CNTN4: variants seen among roughly 807,000 people sequenced by gnomAD.
The protein encoded by CNTN4 is contactin 4, also known as contactin-4.
In CNTN4, 77 loss-of-function variants were observed where a neutral mutation model predicts 122.5. That is an observed-to-expected ratio of 0.63 (90% CI 0.52 to 0.76). CNTN4 has a LOEUF of 0.76. Among genes scored for constraint, CNTN4 ranks in the 30% least tolerant of loss-of-function variants. CNTN4 has a pLI of 0.00. For synonymous variants in CNTN4, 512 were observed against 447.0 expected (o/e 1.15, Z -1.83); for missense variants, 1,256 against 1,259.1 (o/e 1.00, Z 0.04).
intron 7 of CNTN4, among the ~76,000 whole-genome samples, chr3:2,865,958 C>G (rs776791828): frequency 6.6e-6 from 1 of 152,204 alleles, no homozygotes; most frequent in Non-Finnish European, 1.5e-5. Flanking sequence ...ATCACTATCT[C>G]ATATCCACTC....
chr3:2,259,103 T>C (rs2040718426), intron 2 of CNTN4, among the ~76,000 whole-genome samples: 1 of 152,130 alleles, frequency 6.6e-6, no homozygotes, highest in African/African-American at 2.4e-5. Flanking sequence ...TTTTTGGCTC[T>C]GTAAATTTGA....
At chr3:2,103,177 A>G (rs1253576581) in intron 2 of CNTN4, among the ~76,000 whole-genome samples, 2 of 148,034 alleles carry the variant, frequency 1.4e-5, no homozygotes, top group Non-Finnish European at 3.0e-5. Flanking sequence ...TGATTTTTTA[A>G]CAGCTTTTTT....
chr3:2,282,064 C>T (rs1309546358), intron 2 of CNTN4, among the ~76,000 whole-genome samples: 2 of 152,080 alleles, frequency 1.3e-5, no homozygotes, highest in East Asian at 1.9e-4. Flanking sequence ...TTTTCCTACA[C>T]ATTCCAGTTT....
chr3:2,739,767 A>G (rs181665961), intron 5 of CNTN4, among the ~76,000 whole-genome samples: 169 of 152,336 alleles, frequency 1.1e-3, no homozygotes, highest in African/African-American at 3.9e-3. Context: ...AGATGCAGTT[A>G]TCGTTGCACA....
chr3:2,133,816 TA>T (rs2034560724), intron 2 of CNTN4, among the ~76,000 whole-genome samples: 1 of 152,210 alleles, frequency 6.6e-6, no homozygotes, highest in South Asian at 2.1e-4. Flanking sequence ...TTCCTTTTTC[TA>T]ATTTATCACT....
chr3:2,719,445 C>G (rs1228688101), intron 4 of CNTN4, among the ~76,000 whole-genome samples: 2 of 152,100 alleles, frequency 1.3e-5, no homozygotes, highest in Non-Finnish European at 2.9e-5. Context: ...CAGGAATGCA[C>G]CACCATGCCC....
intron 3 of CNTN4, among the ~76,000 whole-genome samples, chr3:2,439,413 T>G (rs985320223): frequency 6.6e-6 from 1 of 152,216 alleles, no homozygotes; most frequent in Non-Finnish European, 1.5e-5. Context: ...ATTTTATTTT[T>G]TTTTACTTGG....
intron 3 of CNTN4, among the ~76,000 whole-genome samples, chr3:2,565,588 A>G (rs769480127): frequency 6.6e-6 from 1 of 152,190 alleles, no homozygotes; most frequent in Non-Finnish European, 1.5e-5. Context: ...TTCCTATCCA[A>G]TTGAGCTGTA....
At chr3:2,810,046 TCAGA>T (rs1220609000) in intron 6 of CNTN4, among the ~76,000 whole-genome samples, 7 of 152,186 alleles carry the variant, frequency 4.6e-5, no homozygotes, top group African/African-American at 1.7e-4. Flanking sequence ...TGTGAGAGTC[TCAGA>T]CAGTCAAACA....
chr3:2,722,776 C>CAATA (rs1157830932), intron 4 of CNTN4, among the ~76,000 whole-genome samples: 1 of 152,090 alleles, frequency 6.6e-6, no homozygotes, highest in Non-Finnish European at 1.5e-5. Flanking sequence ...GCAGAATGCC[C>CAATA]AATAATTGGT....
intron 4 of CNTN4, among the ~76,000 whole-genome samples, chr3:2,688,272 T>C (rs950362482): frequency 1.3e-5 from 2 of 152,144 alleles, no homozygotes; most frequent in African/African-American, 2.4e-5. Context: ...TTGGACCACA[T>C]TGAGTTTTTT....
chr3:2,311,105 C>T lies in CNTN4; in HGVS notation c.-144-28073C>T, dbSNP rs2042898222. Among the ~76,000 whole-genome samples, 2 of 152,026 alleles carry T rather than the reference C, an allele frequency of 1.3e-5. 1 individual carries two copies. Among genetic ancestry groups the T allele is most frequent in the South Asian group, 4.1e-4 (2 of 4,830 alleles). ...GAATAAAAACACACCTACCTTTCCC[C>T]CTGAAATAACATTAATGTCTTATTG... On this transcript the variant is annotated intron_variant, in intron 2 of 24. Coordinates refer to ENST00000418658, the MANE Select transcript of CNTN4 (RefSeq NM_175607.3).
chr3:2,458,327 G>A (rs542945035), intron 3 of CNTN4, among the ~76,000 whole-genome samples: 14 of 152,190 alleles, frequency 9.2e-5, no homozygotes, highest in South Asian at 2.1e-4. Context: ...AAAAATGAAC[G>A]ATGTTTTATC....
At chr3:2,227,083 T>C (rs1264619924) in intron 2 of CNTN4, among the ~76,000 whole-genome samples, 1 of 152,186 alleles carries the variant, frequency 6.6e-6, no homozygotes, top group Non-Finnish European at 1.5e-5. Flanking sequence ...ATTCTGTTAC[T>C]ACCTGCGTAT....
chr3:2,211,965 T>C (rs2038641130), intron 2 of CNTN4, among the ~76,000 whole-genome samples: 1 of 152,166 alleles, frequency 6.6e-6, no homozygotes, highest in African/African-American at 2.4e-5. Context: ...TTTAAAACTG[T>C]TCCTTTCTCT....
chr3:2,532,182 G>A (rs145846414), intron 3 of CNTN4, among the ~76,000 whole-genome samples: 3 of 152,320 alleles, frequency 2.0e-5, no homozygotes, highest in East Asian at 1.9e-4. Flanking sequence ...GTTCAAAGAT[G>A]TAAAATAGAC....
At chr3:2,702,900 A>G (rs1486308526) in intron 4 of CNTN4, among the ~76,000 whole-genome samples, 1 of 152,184 alleles carries the variant, frequency 6.6e-6, no homozygotes, top group South Asian at 2.1e-4. Context: ...TGACTTTTCA[A>G]AGGAAATGTG....
intron 4 of CNTN4, among the ~76,000 whole-genome samples, chr3:2,639,411 T>G (rs2082806537): frequency 6.6e-6 from 1 of 152,200 alleles, no homozygotes; most frequent in African/African-American, 2.4e-5. Context: ...CTCAAAAATT[T>G]GCTCAGACCT....
intron 14 of CNTN4, among the ~76,000 whole-genome samples, chr3:3,005,605 A>C (rs980246885): frequency 2.0e-5 from 3 of 152,212 alleles, no homozygotes; most frequent in Non-Finnish European, 4.4e-5. Flanking sequence ...AGACCAAGGC[A>C]CTGGCAGATC....
Sources: allele counts gnomAD v4.1 joint callset (sites outside exome capture counted in the v4.1 genomes callset), GRCh38; gene constraint gnomAD v4.1.1; transcripts MANE v1.5; gene names NCBI Gene and HGNC (gene_info 2026-07-23, HGNC 2026-07-21).